The following DSC1 variants were observed in gnomAD, a reference collection of about 807,000 sequenced individuals.
DSC1 encodes the protein desmocollin-1.
A neutral mutation model predicts 98.8 loss-of-function variants in DSC1; 79 were observed. The ratio of observed to expected loss-of-function variants is 0.80; its 90% CI spans 0.67 to 0.96. DSC1 has a LOEUF of 0.96. Among genes scored for constraint, DSC1 ranks in the 50% least tolerant of loss-of-function variants. The pLI, the probability that DSC1 is intolerant of heterozygous loss-of-function variation, is 0.00. For synonymous variants in DSC1, 405 were observed against 372.1 expected, an observed-to-expected ratio of 1.09 and a Z score of -1.02; for missense variants, 1,115 against 1,075.9, an observed-to-expected ratio of 1.04 and a Z score of -0.51.
At position 31,145,784 on chromosome 18, in the gene DSC1, A is replaced by G; in HGVS notation, c.773-7T>C. 1 of 1,609,786 alleles carries G rather than the reference A, an allele frequency of 6.2e-7. No individual in the cohort carries two copies. Among genetic ancestry groups the G allele is most frequent in the Non-Finnish European group, 8.5e-7 (1 of 1,178,506 alleles). ...ACTTTTCCCACTGAAGTTCCTGTTT[A>G]GATAAATCCAAAAGTGTCAAAAATT... is the stretch of plus-strand genomic sequence containing the variant. On this transcript the variant is annotated splice_polypyrimidine_tract_variant and splice_region_variant and intron_variant, in intron 6 of 15. Coordinates refer to ENST00000257198, the MANE Select transcript of DSC1 (RefSeq NM_024421.2).
At chr18:31,153,244 A>G (rs1989034306) in intron 5 of DSC1, among the ~76,000 whole-genome samples, 1 of 152,156 alleles carries the variant, frequency 6.6e-6, no homozygotes, top group Non-Finnish European at 1.5e-5. Flanking sequence ...GAATATTGCA[A>G]CATACAGAGT....
Position 31,154,887 on chromosome 18 carries a change from T to A in DSC1, c.514A>T (p.Ile172Leu). ...TCTTTGTCCACGCCTGGCCCACTTA[T>A]GGAATAAAAGATGGTGTAATTCTGT... ...AAQNYTIFYS[I>L]SGPGVDKEPF... The change falls in exon 5 of 16, where the codon ATA becomes TTA. Residue 172 changes from isoleucine to leucine, a missense_variant. Transcript: ENST00000257198. The A allele has an allele frequency of 6.2e-7, 1 of 1,614,124 alleles. No individual in the cohort carries two copies. Among genetic ancestry groups the A allele is most frequent in the South Asian group, 1.1e-5 (1 of 91,074 alleles).
chr18:31,134,164 G>A, intron 12 of DSC1, 34 bp from the exon 13 acceptor site: 1 of 1,590,402 alleles, frequency 6.3e-7, no homozygotes, highest in South Asian at 1.1e-5. Context: ...TATATGGATT[G>A]GCTGTTTAGA....
intron 2 of DSC1, 74 bp downstream of exon 2, chr18:31,159,371 C>G (rs993954676): frequency 3.3e-5 from 50 of 1,519,794 alleles, no homozygotes; most frequent in Non-Finnish European, 3.6e-5. Context: ...GGTTTTTATC[C>G]CAAACTTTAC....
At position 31,148,590 on chromosome 18, in the gene DSC1, G is replaced by A. The variant is rs1452065857; in HGVS notation, c.680C>T (p.Pro227Leu). The stretch of plus-strand genomic sequence containing the variant: ...ATCATCTTCAATTTTGATGATCAAA[G>A]GGAGTGGATATTCTGGTGCATAGCC... ...ADGYAPEYPL[P>L]LIIKIEDDND... Residue 227 changes from proline to leucine, a missense_variant, in exon 6 of 16, where the codon CCT becomes CTT. Transcript: ENST00000257198. 3 of 1,610,870 alleles carry A rather than the reference G, an allele frequency of 1.9e-6. No homozygotes were observed. Among genetic ancestry groups the A allele is most frequent in the Non-Finnish European group, 2.5e-6 (3 of 1,177,772 alleles).
intron 8 of DSC1, 78 bp from the exon 9 acceptor site, chr18:31,142,262 GA>G (rs1387145088): frequency 1.4e-6 from 2 of 1,458,946 alleles, no homozygotes; most frequent in South Asian, 1.3e-5. Flanking sequence ...CGTATTTAAA[GA>G]AAAAAATAAA....
intron 3 of DSC1, 27 bp downstream of exon 3, chr18:31,157,344 T>C (rs751665701): frequency 6.2e-7 from 1 of 1,611,160 alleles, no homozygotes; most frequent in Non-Finnish European, 8.5e-7. Flanking sequence ...ATTACTGTGC[T>C]AGGCTGCTTA....
chr18:31,140,643 C>CT (rs1988714670), intron 9 of DSC1, among the ~76,000 whole-genome samples: 1 of 152,178 alleles, frequency 6.6e-6, no homozygotes, highest in Non-Finnish European at 1.5e-5. Flanking sequence ...ATAACAGTGA[C>CT]AACTAAATTG....
chr18:31,150,343 C>T (rs1395271617), intron 5 of DSC1, among the ~76,000 whole-genome samples: 1 of 65,604 alleles, frequency 1.5e-5, no homozygotes, highest in African/African-American at 6.0e-5. Context: ...CCACTACCAT[C>T]ACCACCACCA....
chr18:31,141,277 A>G (rs1215495528), intron 9 of DSC1, among the ~76,000 whole-genome samples: 1 of 152,206 alleles, frequency 6.6e-6, no homozygotes, highest in Non-Finnish European at 1.5e-5. Flanking sequence ...AAGAAAGAAA[A>G]AGTAGACAGT....
At chr18:31,151,216 C>T (rs200137597) in intron 5 of DSC1, among the ~76,000 whole-genome samples, 7 of 152,054 alleles carry the variant, frequency 4.6e-5, no homozygotes, top group Admixed American at 1.3e-4. Flanking sequence ...TTTCACATTC[C>T]GCTGACTCAG....
intron 14 of DSC1, 83 bp from the exon 15 acceptor site, chr18:31,131,925 A>G: frequency 2.1e-6 from 3 of 1,452,238 alleles, no homozygotes; most frequent in Non-Finnish European, 2.8e-6. Flanking sequence ...CCATAGGCAA[A>G]TCACTTGCCT....
At chr18:31,139,292 G>T (rs1174050865) in intron 11 of DSC1, among the ~76,000 whole-genome samples, 1 of 151,976 alleles carries the variant, frequency 6.6e-6, no homozygotes, top group Non-Finnish European at 1.5e-5. Flanking sequence ...TAGGATAAAT[G>T]ATTTGTTCTC....
intron 9 of DSC1, 25 bp downstream of exon 9, chr18:31,141,974 T>G: frequency 6.3e-7 from 1 of 1,585,116 alleles, no homozygotes; most frequent in Non-Finnish European, 8.5e-7. Flanking sequence ...TTTTAAAGCA[T>G]AGCCTGATTA....
At position 31,161,792 on chromosome 18, in the gene DSC1, T is replaced by C. The variant is rs753900432; in HGVS notation, c.63+740A>G. Among the ~76,000 whole-genome samples the C allele has an allele frequency of 2.6e-5, 4 of 152,302 alleles. No homozygotes were observed. In the East Asian group the frequency reaches 7.7e-4, roughly 29 times the overall value. On this transcript the variant is annotated intron_variant, in intron 1 of 15. Coordinates refer to ENST00000257198, the MANE Select transcript of DSC1 (RefSeq NM_024421.2). ...GTGACCATCAACCCTGCATTGTATATTATTTACATGGAGAAAATGTTTGTC... is the reference window on the plus strand; with the variant it reads ...GTGACCATCAACCCTGCATTGTATACTATTTACATGGAGAAAATGTTTGTC...
chr18:31,130,757 A>G (rs1338011777), intron 15 of DSC1, 46 bp from the exon 16 acceptor site: 2 of 1,612,194 alleles, frequency 1.2e-6, no homozygotes, highest in Non-Finnish European at 8.5e-7. Flanking sequence ...AAAAACACCT[A>G]AACATATTAG....
chr18:31,157,704 C>T (rs892830736), intron 2 of DSC1, 131 bp from the exon 3 acceptor site: 1 of 860,244 alleles, frequency 1.2e-6, no homozygotes, highest in Non-Finnish European at 1.8e-6. Flanking sequence ...GTGCTCAGCA[C>T]CTGCTATTCT....
intron 11 of DSC1, among the ~76,000 whole-genome samples, chr18:31,138,570 A>G (rs889255418): frequency 2.6e-5 from 4 of 151,858 alleles, no homozygotes; most frequent in Non-Finnish European, 5.9e-5. Flanking sequence ...AACATAGAAA[A>G]AAGTAGGGGT....
In DSC1 at chr18:31,157,450, C is replaced by T. The variant is rs766428169; in HGVS notation, c.272G>A (p.Ser91Asn). ...HDLILSSERK[S>N]FSIFLSDGQR... ...ACCATCTGAAAGGAAAATGGAAAAA[C>T]TTTTCCTTTCAGAAGACAAAATGAG... The change falls in exon 3 of 16, where the codon AGT becomes AAT. Residue 91 changes from serine (S) to asparagine (N), a missense_variant. Ser to Asn is a conservative substitution (Grantham distance 46, BLOSUM62 1). Transcript: ENST00000257198. 2.5e-6 allele frequency: 4 copies of T among 1,614,128 alleles called. No individual in the cohort carries two copies. The South Asian group carries it at 4.4e-5, about 18-fold the overall frequency.
Sources: gnomAD v4.1 joint callset for allele counts (sites outside exome capture counted in the v4.1 genomes callset) on GRCh38, gnomAD v4.1.1 for gene constraint, MANE v1.5 for transcripts, NCBI Gene and HGNC (gene_info 2026-07-23, HGNC 2026-07-21) for gene names.